Variants in SEPTIN8 observed in about 807,000 individuals in gnomAD.
SEPTIN8 encodes septin 8.
In SEPTIN8, 22 loss-of-function variants were observed where a neutral mutation model predicts 53.1. The observed-to-expected ratio is 0.41, with a 90% CI of 0.30 to 0.59. The LOEUF is 0.59. SEPTIN8 is among the 20% of genes least tolerant of loss of function. The pLI is 0.24. For missense variants in SEPTIN8, 536 were observed against 638.7 expected (o/e 0.84, Z 1.73); for synonymous variants, 228 against 248.4 (o/e 0.92, Z 0.77).
Position 132,760,891 on chromosome 5 carries a change from A to G in SEPTIN8, c.1197T>C (p.Asn399=), listed in dbSNP as rs1364877821. The stretch of plus-strand genomic sequence containing the variant: ...GGGCCTCCACCGCAGCCTTCCGGCG[A>G]TTGAAGGCGTTGGTCTCCTCCTCCA... ...RELEEETNAF[N]RRKAAVEALQ... Residue 399 remains asparagine (N), a synonymous_variant, in exon 9 of 10, where the codon AAT becomes AAC. Coordinates refer to ENST00000378719, the MANE Select transcript of SEPTIN8 (RefSeq NM_001098811.2). This position sits in a 1 kb window ranked among gnomAD's most constrained non-coding sequence, Gnocchi z 5.2. The G allele has an allele frequency of 1.9e-6, 3 of 1,611,356 alleles. No homozygotes were observed. The highest frequency in any genetic ancestry group is 2.5e-6 in the Non-Finnish European group (3 of 1,179,300).
intron 9 of SEPTIN8, chr5:132,754,627 CT>C (rs1755169958): frequency 1.1e-5 from 7 of 643,042 alleles, no homozygotes; most frequent in Admixed American, 1.0e-4. Flanking sequence ...GGGAAGCTCA[CT>C]TTTGTATTGC....
intron 5 of SEPTIN8, 82 bp downstream of exon 5, chr5:132,762,402 G>A (rs1227992368): frequency 1.5e-6 from 2 of 1,376,688 alleles, no homozygotes; most frequent in Admixed American, 3.7e-5. Flanking sequence ...TGGGGAACAA[G>A]AGTCTCCTGG....
At chr5:132,770,104 T>C (rs1385139820) in intron 1 of SEPTIN8, among the ~76,000 whole-genome samples, 4 of 23,532 alleles carry the variant, frequency 1.7e-4, no homozygotes, top group African/African-American at 8.5e-4. Flanking sequence ...TATATATGTA[T>C]ATATGTATAT....
chr5:132,762,897 C>T (rs1244956644), intron 4 of SEPTIN8, among the ~76,000 whole-genome samples: 1 of 152,194 alleles, frequency 6.6e-6, no homozygotes, highest in African/African-American at 2.4e-5. Flanking sequence ...CATCCAGCCC[C>T]AAAACTGGTC....
intron 9 of SEPTIN8, chr5:132,756,164 G>C: frequency 1.0e-6 from 1 of 985,364 alleles, no homozygotes; most frequent in African/African-American, 1.7e-5. Flanking sequence ...CTCAGGCCTC[G>C]TATCCATGAG....
chr5:132,774,403 A>T (rs1187199637), intron 1 of SEPTIN8, among the ~76,000 whole-genome samples: 2 of 152,182 alleles, frequency 1.3e-5, no homozygotes, highest in African/African-American at 4.8e-5. Flanking sequence ...CGGGGAAGAA[A>T]GGGCTGAGCC....
At chr5:132,758,995 T>G in intron 9 of SEPTIN8, 1 of 755,210 alleles carries the variant, frequency 1.3e-6, no homozygotes, top group Non-Finnish European at 2.4e-6. Flanking sequence ...TGTCCCAGGC[T>G]AAGGGTCAAG....
chr5:132,757,731 A>G (rs775888088), intron 9 of SEPTIN8: 12 of 985,412 alleles, frequency 1.2e-5, no homozygotes, highest in Non-Finnish European at 1.4e-5. Flanking sequence ...TTGTAAACCA[A>G]CAGGAGCATA....
In SEPTIN8 at chr5:132,765,304, C is replaced by T. The variant is rs868810099; in HGVS notation, c.151+105G>A. The T allele has an allele frequency of 5.7e-6, 8 of 1,402,190 alleles. No individual in the cohort carries two copies. The South Asian group carries it at 1.0e-4, about 18-fold the overall frequency. The allele number at this position is 1,402,190 out of a possible 1,614,324, so 86.9% of individuals were successfully genotyped here. ...TCGTCCTGACACCCCCAAAGTTTCA[C>T]TCTGCCTGGGAAGCCCCCTTGCAGC... On this transcript the variant is annotated intron_variant, in intron 2 of 9. Coordinates refer to ENST00000378719, the MANE Select transcript of SEPTIN8 (RefSeq NM_001098811.2).
At chr5:132,752,766 T>C (rs1296232524) in intron 9 of SEPTIN8, 5 of 980,560 alleles carry the variant, frequency 5.1e-6, no homozygotes, top group Non-Finnish European at 7.8e-6. Context: ...TGGTTGGACC[T>C]TCCTGAACTT....
upstream of SEPTIN8, chr5:132,777,465 C>G: frequency 1.0e-6 from 1 of 984,196 alleles, no homozygotes; most frequent in South Asian, 4.7e-5. This position sits in a 1 kb window ranked among gnomAD's most constrained non-coding sequence, Gnocchi z 4.1. Context: ...GGGACCGGGA[C>G]GGCAGTGTCG....
rs1334751055 is a variant in SEPTIN8, at chr5:132,760,173, G to A, written c.1286+629C>T. Among the ~76,000 whole-genome samples, 2 of 152,078 alleles carry A rather than the reference G, an allele frequency of 1.3e-5. No individual in the cohort carries two copies. Among genetic ancestry groups the A allele is most frequent in the South Asian group, 2.1e-4 (1 of 4,828 alleles). ...CCAGGAGGCCAGTGTTGGCTGGCGC[G>A]AGTGCCCGCAGTTCTCCATCACCAC... On this transcript the variant is annotated intron_variant, in intron 9 of 9. Transcript: ENST00000378719. The surrounding 1 kb of genome is among the most constrained non-coding windows in gnomAD (Gnocchi z 5.2).
chr5:132,772,538 G>A (rs1396526311), intron 1 of SEPTIN8, among the ~76,000 whole-genome samples: 2 of 152,182 alleles, frequency 1.3e-5, no homozygotes, highest in African/African-American at 4.8e-5. Context: ...GGAAAGCCAC[G>A]AGTGGTCTGG....
intron 9 of SEPTIN8, among the ~76,000 whole-genome samples, chr5:132,754,690 C>T (rs73787061): frequency 0.01 from 1,585 of 152,300 alleles, 33 homozygotes; most frequent in African/African-American, 0.036. Flanking sequence ...TCAAGCTTGC[C>T]GTGGGGCCCC....
upstream of SEPTIN8, chr5:132,777,347 G>T: frequency 6.7e-6 from 7 of 1,050,576 alleles, no homozygotes; most frequent in Non-Finnish European, 8.0e-6. The surrounding 1 kb of genome is among the most constrained non-coding windows in gnomAD (Gnocchi z 4.1). Context: ...CGCCCGGCCC[G>T]GCCACGAGCG....
chr5:132,779,922 A>G (rs764367555), upstream of SEPTIN8, among the ~76,000 whole-genome samples: 25 of 152,214 alleles, frequency 1.6e-4, no homozygotes, highest in Non-Finnish European at 3.2e-4. Flanking sequence ...TGCTTCAACA[A>G]GATAGAAATG....
intron 1 of SEPTIN8, 47 bp from the exon 2 acceptor site, chr5:132,765,576 A>C (rs1279655953): frequency 6.5e-7 from 1 of 1,533,948 alleles, no homozygotes; most frequent in Admixed American, 2.1e-5. Context: ...TGGGGAAGAA[A>C]GGTCAAGCTG....
At chr5:132,766,979 GT>G (rs1554114824) in intron 1 of SEPTIN8, among the ~76,000 whole-genome samples, 1 of 152,140 alleles carries the variant, frequency 6.6e-6, no homozygotes, top group Non-Finnish European at 1.5e-5. Context: ...ACTCCCAAGT[GT>G]GGGTGCTGGC....
At chr5:132,768,769 C>T (rs1181083602) in intron 1 of SEPTIN8, among the ~76,000 whole-genome samples, 1 of 152,214 alleles carries the variant, frequency 6.6e-6, no homozygotes, top group Non-Finnish European at 1.5e-5. Flanking sequence ...ATTAGGGGAG[C>T]TAGCCTAAGG....
Sources: allele counts gnomAD v4.1 joint callset (sites outside exome capture counted in the v4.1 genomes callset), GRCh38; gene constraint gnomAD v4.1.1; non-coding constraint Gnocchi (gnomAD v3.1); transcripts MANE v1.5; gene names NCBI Gene and HGNC (gene_info 2026-07-23, HGNC 2026-07-21).